Variants in SEM1 observed in about 807,000 individuals in gnomAD.
The protein encoded by SEM1 is 26S proteasome complex subunit SEM1.
SEM1 carries 3 observed loss-of-function variants against 12.7 expected under a neutral mutation model. The ratio of observed to expected loss-of-function variants is 0.24; its 90% CI spans 0.11 to 0.61. SEM1 has a LOEUF of 0.61. SEM1 is among the 20% of genes least tolerant of loss of function. The pLI is 0.88. For missense variants in SEM1, 59 were observed against 81.3 expected (o/e 0.73, Z 1.06); for synonymous variants, 30 against 27.8 (o/e 1.08, Z -0.25).
At chr7:96,601,483 T>C (rs982278824) in intron 2 of SEM1, among the ~76,000 whole-genome samples, 2 of 152,008 alleles carry the variant, frequency 1.3e-5, no homozygotes, top group Admixed American at 1.3e-4. Flanking sequence ...TGTTCCAGGC[T>C]GAGGGAATGG....
intron 2 of SEM1, among the ~76,000 whole-genome samples, chr7:96,633,662 T>C (rs1229520738): frequency 1.3e-5 from 2 of 152,086 alleles, no homozygotes; most frequent in Admixed American, 1.3e-4. Flanking sequence ...CTTAATATAG[T>C]AATCTATCTA....
intron 1 of SEM1, among the ~76,000 whole-genome samples, chr7:96,702,116 A>G (rs1345840214): frequency 1.3e-5 from 2 of 152,178 alleles, no homozygotes; most frequent in African/African-American, 4.8e-5. Flanking sequence ...TAGACAATAC[A>G]TTGAAGATAA....
At chr7:96,589,337 C>T (rs1171044993) in intron 2 of SEM1, among the ~76,000 whole-genome samples, 2 of 152,218 alleles carry the variant, frequency 1.3e-5, no homozygotes, top group East Asian at 1.9e-4. Context: ...GATTAGAGCA[C>T]ACATTGAGGC....
At chr7:96,527,644 C>T (rs1372037767) in intron 2 of SEM1, among the ~76,000 whole-genome samples, 3 of 152,142 alleles carry the variant, frequency 2.0e-5, no homozygotes, top group Non-Finnish European at 2.9e-5. Flanking sequence ...AATTACCCAA[C>T]GTGTATTTGA....
At chr7:96,600,215 G>T (rs1188146462) in intron 2 of SEM1, among the ~76,000 whole-genome samples, 3 of 152,186 alleles carry the variant, frequency 2.0e-5, no homozygotes, top group Non-Finnish European at 4.4e-5. Context: ...CTCTGAAAAG[G>T]TTAATTCTTA....
At chr7:96,594,051 G>A (rs564129989) in intron 2 of SEM1, among the ~76,000 whole-genome samples, 5 of 151,998 alleles carry the variant, frequency 3.3e-5, no homozygotes, top group South Asian at 2.1e-4. Context: ...TGTTGCATGC[G>A]TCCATTATGT....
At chr7:96,536,207 T>A (rs1804781513) in intron 2 of SEM1, among the ~76,000 whole-genome samples, 2 of 151,942 alleles carry the variant, frequency 1.3e-5, no homozygotes, top group South Asian at 4.1e-4. Context: ...AGTGTGTGAC[T>A]TAATTTCTAA....
At chr7:96,661,086 T>C (rs1788987132) in intron 2 of SEM1, among the ~76,000 whole-genome samples, 1 of 152,102 alleles carries the variant, frequency 6.6e-6, no homozygotes, top group Non-Finnish European at 1.5e-5. Context: ...CCCTTTAAAG[T>C]GGTATAATTA....
chr7:96,544,638 T>C (rs1360174130), intron 2 of SEM1, among the ~76,000 whole-genome samples: 2 of 152,006 alleles, frequency 1.3e-5, no homozygotes, highest in African/African-American at 4.8e-5. Context: ...CACATAACTT[T>C]TGACCCTTCC....
At chr7:96,565,930 A>G (rs1805831445) in intron 2 of SEM1, among the ~76,000 whole-genome samples, 1 of 151,832 alleles carries the variant, frequency 6.6e-6, no homozygotes, top group South Asian at 2.1e-4. Flanking sequence ...ATAAAAGCTT[A>G]GAAAGAATAA....
chr7:96,514,447 A>G (rs1188375095), intron 2 of SEM1, among the ~76,000 whole-genome samples: 1 of 152,132 alleles, frequency 6.6e-6, no homozygotes, highest in Non-Finnish European at 1.5e-5. Flanking sequence ...GAAATAAAAG[A>G]TATACAGATG....
At chr7:96,614,855 TACAC>T (rs139718624) in intron 2 of SEM1, among the ~76,000 whole-genome samples, 101 of 152,224 alleles carry the variant, frequency 6.6e-4, no homozygotes, top group African/African-American at 2.2e-3. Context: ...CACACACACA[TACAC>T]ACACACAGAC....
chr7:96,509,340 G>C (rs1023228062), intron 2 of SEM1, among the ~76,000 whole-genome samples: 2 of 151,754 alleles, frequency 1.3e-5, no homozygotes, highest in African/African-American at 4.8e-5. Context: ...CTGTGCTCAG[G>C]TAAAATTGCC....
chr7:96,529,174 T>C (rs575845739), intron 2 of SEM1, among the ~76,000 whole-genome samples: 1 of 152,232 alleles, frequency 6.6e-6, no homozygotes, highest in African/African-American at 2.4e-5. Context: ...TTTCAGGATA[T>C]AGCAGCTTGT....
chr7:96,509,276 G>C (rs910171046), intron 2 of SEM1, among the ~76,000 whole-genome samples: 2 of 151,588 alleles, frequency 1.3e-5, no homozygotes, highest in African/African-American at 2.4e-5. Flanking sequence ...AAAGTGCTGG[G>C]ATTACAGGAG....
chr7:96,669,642 C>T (rs1298064159), downstream of SEM1, among the ~76,000 whole-genome samples: 3 of 152,058 alleles, frequency 2.0e-5, no homozygotes, highest in Non-Finnish European at 1.5e-5. Context: ...AATATGCACT[C>T]TTTTATTTAG....
chr7:96,582,921 C>G (rs1485300327), intron 2 of SEM1, among the ~76,000 whole-genome samples: 3 of 152,144 alleles, frequency 2.0e-5, no homozygotes, highest in Non-Finnish European at 2.9e-5. Context: ...TTCAAAAAAC[C>G]AGCTCCTGGA....
intron 2 of SEM1, among the ~76,000 whole-genome samples, chr7:96,585,688 C>A (rs993293214): frequency 6.6e-6 from 1 of 152,174 alleles, no homozygotes; most frequent in Non-Finnish European, 1.5e-5. Flanking sequence ...TTTTTAAGCC[C>A]GTCGGAAAAG....
chr7:96,573,390 T>A (rs1240314892), intron 2 of SEM1, among the ~76,000 whole-genome samples: 3 of 152,224 alleles, frequency 2.0e-5, no homozygotes, highest in Non-Finnish European at 2.9e-5. Context: ...GTGATGTTTT[T>A]GCAGTGGCTG....
Sources: gnomAD v4.1 joint callset for allele counts (sites outside exome capture counted in the v4.1 genomes callset) on GRCh38, gnomAD v4.1.1 for gene constraint, MANE v1.5 for transcripts, NCBI Gene and HGNC (gene_info 2026-07-23, HGNC 2026-07-21) for gene names.